DOCK5: variants seen among roughly 807,000 people sequenced by gnomAD.
DOCK5 encodes dedicator of cytokinesis protein 5.
DOCK5 carries 142 observed loss-of-function variants against 251.8 expected under a neutral mutation model. The observed-to-expected ratio is 0.56, with a 90% confidence interval of 0.49 to 0.65. The LOEUF (loss-of-function observed/expected upper bound fraction) is 0.65. Among genes scored for constraint, DOCK5 ranks in the 30% least tolerant of loss-of-function variants. The pLI is 0.00. For missense variants in DOCK5, 2,111 were observed against 2,312.3 expected, an observed-to-expected ratio of 0.91 and a Z score of 1.79; for synonymous variants, 842 against 835.5, an observed-to-expected ratio of 1.01 and a Z score of -0.13.
chr8:25,374,830 AAATGTC>A, intron 37 of DOCK5, 176 bp downstream of exon 37: 1 of 1,471,914 alleles, frequency 6.8e-7, no homozygotes, highest in Non-Finnish European at 9.0e-7. Context: ...AAGTATGGGA[AAATGTC>A]AGTTATCTTT....
intron 40 of DOCK5, among the ~76,000 whole-genome samples, chr8:25,387,131 A>G (rs960909936): frequency 2.0e-5 from 3 of 151,716 alleles, no homozygotes; most frequent in Non-Finnish European, 4.4e-5. Context: ...AGATCTCATT[A>G]TCTCTTTTGT....
Position 25,190,167 on chromosome 8 carries a change from G to A in DOCK5, c.43+5216G>A, listed in dbSNP as rs561625253. Among the ~76,000 whole-genome samples, 379 of 152,322 alleles carry A rather than the reference G, an allele frequency of 2.5e-3. 3 individuals are homozygous for A. Among genetic ancestry groups the A allele is most frequent in the African/African-American group, 8.9e-3 (369 of 41,572 alleles). On this transcript the variant is annotated intron_variant, in intron 1 of 51. Transcript: ENST00000276440. The stretch of plus-strand genomic sequence containing the variant: ...CTCCCAAAGTGCTGGGATTACAGGC[G>A]TGAGCCACCGCTCCTGGCCCAGAAT...
chr8:25,213,181 G>A (rs1802144774), intron 1 of DOCK5, among the ~76,000 whole-genome samples: 1 of 151,950 alleles, frequency 6.6e-6, no homozygotes, highest in Non-Finnish European at 1.5e-5. Flanking sequence ...CTGTGCGTCA[G>A]GCCCAGACCT....
At chr8:25,409,984 G>C (rs1801591250) in intron 50 of DOCK5, 115 bp from the exon 51 acceptor site, 1 of 772,346 alleles carries the variant, frequency 1.3e-6, no homozygotes, top group Admixed American at 2.4e-5. Flanking sequence ...CATAGAATGT[G>C]GCTTTCATCA....
At chr8:25,193,859 C>T (rs754684030) in intron 1 of DOCK5, among the ~76,000 whole-genome samples, 5 of 152,112 alleles carry the variant, frequency 3.3e-5, no homozygotes, top group Non-Finnish European at 7.3e-5. Flanking sequence ...GAATGCAGAG[C>T]GTCACCTTGC....
At chr8:25,264,257 G>T (rs1442236448) in intron 2 of DOCK5, among the ~76,000 whole-genome samples, 1 of 151,414 alleles carries the variant, frequency 6.6e-6, no homozygotes, top group East Asian at 2.0e-4. Context: ...AGCTACCAGG[G>T]GTCGGGGTTG....
chr8:25,262,118 G>A (rs370075252), intron 2 of DOCK5, among the ~76,000 whole-genome samples: 1 of 152,252 alleles, frequency 6.6e-6, no homozygotes, highest in East Asian at 1.9e-4. Flanking sequence ...GAGTGAGGAT[G>A]TGGCCAGGTC....
chr8:25,258,317 A>G (rs900130235), intron 2 of DOCK5, among the ~76,000 whole-genome samples: 1 of 152,126 alleles, frequency 6.6e-6, no homozygotes, highest in Non-Finnish European at 1.5e-5. Flanking sequence ...CAACCAGAAT[A>G]AACCTTCTTG....
At chr8:25,400,872 T>G in intron 46 of DOCK5, 57 bp from the exon 47 acceptor site, 1 of 1,598,590 alleles carries the variant, frequency 6.3e-7, no homozygotes, top group Middle Eastern at 1.7e-4. Context: ...CCCAACCAAA[T>G]CAAAACGATC....
At chr8:25,340,779 G>A (rs1805933905) in intron 22 of DOCK5, 98 bp from the exon 23 acceptor site, 1 of 929,570 alleles carries the variant, frequency 1.1e-6, no homozygotes, top group Non-Finnish European at 1.7e-6. Context: ...AATGATTAGG[G>A]TGATACGATG....
intron 14 of DOCK5, among the ~76,000 whole-genome samples, chr8:25,318,540 C>T (rs1805328205): frequency 8.0e-6 from 1 of 125,298 alleles, no homozygotes; most frequent in East Asian, 2.8e-4. Context: ...TCCTCCCCTT[C>T]CCCCTCCACT....
intron 5 of DOCK5, 52 bp downstream of exon 5, chr8:25,278,717 C>A: frequency 6.5e-7 from 1 of 1,547,008 alleles, no homozygotes; most frequent in Non-Finnish European, 8.9e-7. Flanking sequence ...GGTCCTCAGC[C>A]TGTAGGTCCT....
chr8:25,399,343 T>G (rs1388591160), intron 45 of DOCK5, among the ~76,000 whole-genome samples: 3 of 152,216 alleles, frequency 2.0e-5, no homozygotes, highest in African/African-American at 7.2e-5. Flanking sequence ...TTTAATATAT[T>G]TGAAATGTCT....
At chr8:25,357,550 G>C (rs1237246584) in intron 27 of DOCK5, among the ~76,000 whole-genome samples, 1 of 151,514 alleles carries the variant, frequency 6.6e-6, no homozygotes, top group African/African-American at 2.4e-5. Flanking sequence ...GCTAATTTTT[G>C]TATTTTTAAT....
At chr8:25,281,925 G>A (rs896787160) in intron 5 of DOCK5, among the ~76,000 whole-genome samples, 3 of 149,976 alleles carry the variant, frequency 2.0e-5, no homozygotes, top group Non-Finnish European at 4.4e-5. Flanking sequence ...CCTCTTCGAG[G>A]GCAGCACATT....
chr8:25,253,559 C>CAT (rs1803333152), intron 2 of DOCK5, among the ~76,000 whole-genome samples: 1 of 152,078 alleles, frequency 6.6e-6, no homozygotes. Context: ...GTTGGGCTGG[C>CAT]TAAGCCTCAT....
intron 1 of DOCK5, among the ~76,000 whole-genome samples, chr8:25,238,890 A>G (rs1326783802): frequency 6.6e-6 from 1 of 152,242 alleles, no homozygotes; most frequent in Non-Finnish European, 1.5e-5. Context: ...GAAAGACACA[A>G]AAGTAATGTG....
At chr8:25,243,238 A>T (rs1803001079) in intron 1 of DOCK5, among the ~76,000 whole-genome samples, 1 of 152,024 alleles carries the variant, frequency 6.6e-6, no homozygotes, top group South Asian at 2.1e-4. Context: ...GGGGGAAATG[A>T]GGATCCATTT....
chr8:25,230,303 T>C (rs1246142339), intron 1 of DOCK5, among the ~76,000 whole-genome samples: 2 of 152,180 alleles, frequency 1.3e-5, no homozygotes, highest in Non-Finnish European at 2.9e-5. Flanking sequence ...TCTTGGGCTG[T>C]ATTCCCAACC....
Sources: allele counts gnomAD v4.1 joint callset (sites outside exome capture counted in the v4.1 genomes callset), GRCh38; gene constraint gnomAD v4.1.1; transcripts MANE v1.5; gene names NCBI Gene and HGNC (gene_info 2026-07-23, HGNC 2026-07-21).